The following MCC variants were observed in gnomAD, a reference collection of about 807,000 sequenced individuals.
The protein encoded by MCC is MCC regulator of Wnt signaling pathway, also known as colorectal mutant cancer protein.
A neutral mutation model predicts 116.2 loss-of-function variants in MCC; 90 were observed. The ratio of observed to expected loss-of-function variants is 0.77; its 90% CI spans 0.65 to 0.92. The LOEUF (loss-of-function observed/expected upper bound fraction) is 0.92. MCC is among the 40% of genes least tolerant of loss of function. The pLI is 0.00. For synonymous variants in MCC, 578 were observed against 510.5 expected (o/e 1.13, Z -1.78); for missense variants, 1,516 against 1,312.2 (o/e 1.16, Z -2.40).
intron 1 of MCC, among the ~76,000 whole-genome samples, chr5:113,430,385 G>A (rs970043723): frequency 6.6e-6 from 1 of 152,176 alleles, no homozygotes; most frequent in Non-Finnish European, 1.5e-5. Context: ...GTTATTTTAG[G>A]TAAGCTGGAG....
At chr5:113,106,186 C>A (rs1279487804) in intron 6 of MCC, among the ~76,000 whole-genome samples, 1 of 62,298 alleles carries the variant, frequency 1.6e-5, no homozygotes, top group African/African-American at 6.7e-5. Flanking sequence ...TTCACTATGC[C>A]CCATTCACAC....
At chr5:113,320,032 C>G (rs1231763074) in intron 3 of MCC, among the ~76,000 whole-genome samples, 1 of 152,226 alleles carries the variant, frequency 6.6e-6, no homozygotes, top group Non-Finnish European at 1.5e-5. Flanking sequence ...CCATAAAATA[C>G]TAAAACCCAA....
rs7033 is a variant in MCC, at chr5:113,022,225, T to C, written c.*5077A>G. On this transcript the variant is annotated 3_prime_UTR_variant, in exon 19 of 19. Coordinates refer to ENST00000408903, the MANE Select transcript of MCC (RefSeq NM_001085377.2). ...ATATCAAATAACGCAAAGTAGCTAT[T>C]TTACAGCAGCTAAAACTAAAGGCAT... 38,412 of 152,606 alleles carry C rather than the reference T, an allele frequency of 0.25. 5,720 individuals carry two copies. Among genetic ancestry groups the C allele is most frequent in the African/African-American group, 0.42 (17,420 of 41,496 alleles). The allele number at this position is 152,606 out of a possible 1,614,324, so 9.5% of individuals were successfully genotyped here. A position where few individuals can be genotyped will look rare whatever the true frequency, so the allele number is the denominator to read the frequency against.
chr5:113,243,269 T>C (rs1041943104), intron 3 of MCC, among the ~76,000 whole-genome samples: 4 of 152,158 alleles, frequency 2.6e-5, no homozygotes, highest in African/African-American at 9.7e-5. Flanking sequence ...CATCAGCACA[T>C]ATAAATGGAA....
At chr5:113,069,318 T>C (rs1753859154) in intron 12 of MCC, among the ~76,000 whole-genome samples, 1 of 152,260 alleles carries the variant, frequency 6.6e-6, no homozygotes, top group African/African-American at 2.4e-5. Context: ...ATAGTCACTC[T>C]TCTTTGTGCC....
intron 1 of MCC, among the ~76,000 whole-genome samples, chr5:113,449,651 C>A (rs759529899): frequency 6.6e-6 from 1 of 152,180 alleles, no homozygotes; most frequent in African/African-American, 2.4e-5. Flanking sequence ...TAGAGTGGAA[C>A]AGGAAAAGAG....
At chr5:113,271,732 A>G (rs1385735332) in intron 3 of MCC, among the ~76,000 whole-genome samples, 1 of 152,216 alleles carries the variant, frequency 6.6e-6, no homozygotes, top group African/African-American at 2.4e-5. Flanking sequence ...AAATGGATTA[A>G]TGACATTTAT....
intron 3 of MCC, among the ~76,000 whole-genome samples, chr5:113,182,928 C>G (rs1334495125): frequency 1.3e-5 from 2 of 152,182 alleles, no homozygotes; most frequent in Admixed American, 6.5e-5. Context: ...ACAGACAGCA[C>G]AGGAGAGTTC....
At chr5:113,439,110 G>T (rs916613981) in intron 1 of MCC, among the ~76,000 whole-genome samples, 7 of 152,174 alleles carry the variant, frequency 4.6e-5, no homozygotes, top group Non-Finnish European at 2.9e-5. Flanking sequence ...TTGAAAACCA[G>T]GTTGAAAATT....
At chr5:113,104,481 G>T in intron 6 of MCC, 126 bp from the exon 7 acceptor site, 2 of 768,224 alleles carry the variant, frequency 2.6e-6, no homozygotes, top group Non-Finnish European at 4.0e-6. Context: ...TTCAACACCA[G>T]CCAGCCTAAC....
At chr5:113,139,953 A>G (rs1297219028) in intron 5 of MCC, among the ~76,000 whole-genome samples, 1 of 152,088 alleles carries the variant, frequency 6.6e-6, no homozygotes, top group Non-Finnish European at 1.5e-5. Flanking sequence ...GAGCTTCTGC[A>G]TAGCAAAAGA....
chr5:113,373,850 A>G (rs1020470423), intron 2 of MCC, among the ~76,000 whole-genome samples: 1 of 152,120 alleles, frequency 6.6e-6, no homozygotes, highest in African/African-American at 2.4e-5. Context: ...ACACATTTTC[A>G]CTGCAGGATT....
At chr5:113,086,282 G>T (rs1250346713) in intron 8 of MCC, among the ~76,000 whole-genome samples, 1 of 152,224 alleles carries the variant, frequency 6.6e-6, no homozygotes, top group Non-Finnish European at 1.5e-5. Context: ...CAAGTGAGGA[G>T]ATGGCTTTAG....
At chr5:113,230,132 C>T (rs183261074) in intron 3 of MCC, among the ~76,000 whole-genome samples, 1 of 152,274 alleles carries the variant, frequency 6.6e-6, no homozygotes, top group Non-Finnish European at 1.5e-5. Context: ...AGTTAAATTG[C>T]CTAATCCTTT....
At chr5:113,176,901 A>G (rs1004740953) in intron 3 of MCC, among the ~76,000 whole-genome samples, 23 of 152,136 alleles carry the variant, frequency 1.5e-4, no homozygotes, top group African/African-American at 5.3e-4. Context: ...GATTGCAGGA[A>G]CAGTGTCTTC....
At chr5:113,046,414 A>T (rs1209536234) in intron 16 of MCC, among the ~76,000 whole-genome samples, 2 of 151,392 alleles carry the variant, frequency 1.3e-5, no homozygotes, top group African/African-American at 4.9e-5. Context: ...CTGGTCTTGA[A>T]CTCCTGACCT....
At chr5:113,063,334 G>T (rs1473280922) in intron 14 of MCC, among the ~76,000 whole-genome samples, 1 of 152,186 alleles carries the variant, frequency 6.6e-6, no homozygotes, top group African/African-American at 2.4e-5. Flanking sequence ...AGCAAATTAT[G>T]CTCTGCAAGG....
chr5:113,448,430 A>C (rs1771284128), intron 1 of MCC: 1 of 152,260 alleles, frequency 6.6e-6, no homozygotes, highest in Non-Finnish European at 1.5e-5. Context: ...TATTAAACTT[A>C]AGTAAAGCCA....
At chr5:113,473,032 C>T (rs55892914) in intron 1 of MCC, among the ~76,000 whole-genome samples, 2,211 of 152,050 alleles carry the variant, frequency 0.015, 64 homozygotes, top group African/African-American at 0.05. Flanking sequence ...GTCTAGCAGG[C>T]GAAAGAAGCA....
Sources: allele counts gnomAD v4.1 joint callset (sites outside exome capture counted in the v4.1 genomes callset), GRCh38; gene constraint gnomAD v4.1.1; transcripts MANE v1.5; gene names NCBI Gene and HGNC (gene_info 2026-07-23, HGNC 2026-07-21).